RELN: variants seen among roughly 807,000 people sequenced by gnomAD.
RELN encodes reelin.
RELN carries 108 observed loss-of-function variants against 427.6 expected under a neutral mutation model. The observed-to-expected ratio is 0.25, with a 90% CI of 0.22 to 0.30. RELN has a LOEUF of 0.30. Among genes scored for constraint, RELN ranks in the 10% least tolerant of loss-of-function variants. The probability of loss-of-function intolerance (pLI) is 1.00; values close to 1 mark genes in which losing one functional copy is unlikely to be tolerated. For missense variants in RELN, 3,715 were observed against 4,302.8 expected (o/e 0.86, Z 3.82); for synonymous variants, 1,524 against 1,513.4 (o/e 1.01, Z -0.16).
At chr7:103,943,187 G>A (rs1006798378) in intron 1 of RELN, among the ~76,000 whole-genome samples, 3 of 152,122 alleles carry the variant, frequency 2.0e-5, no homozygotes, top group Non-Finnish European at 4.4e-5. Flanking sequence ...AAATAGAAAA[G>A]CTGCTCCCTT....
At chr7:103,796,479 A>T (rs796123323) in intron 3 of RELN, among the ~76,000 whole-genome samples, 1 of 152,170 alleles carries the variant, frequency 6.6e-6, no homozygotes, top group Non-Finnish European at 1.5e-5. Flanking sequence ...TTGTAGTGAG[A>T]AGAATAGAAA....
chr7:103,936,685 C>A (rs992793276), intron 1 of RELN, among the ~76,000 whole-genome samples: 2 of 151,578 alleles, frequency 1.3e-5, no homozygotes, highest in Non-Finnish European at 2.9e-5. Flanking sequence ...AAGAAATCTG[C>A]TGTTTCTTTT....
chr7:103,885,511 T>G (rs569164355), intron 2 of RELN, among the ~76,000 whole-genome samples: 5 of 152,152 alleles, frequency 3.3e-5, no homozygotes, highest in Non-Finnish European at 7.3e-5. Flanking sequence ...CACCACATGT[T>G]CTTACTCATA....
chr7:103,689,202 G>A lies in RELN; in HGVS notation c.1144-6941C>T, dbSNP rs1304932999. ...TCTTAAAACAAGTTGACATAAATGTGTAGAAAAGGTAATCTGGAATTCTTT... is the reference window on the plus strand; with the variant it reads ...TCTTAAAACAAGTTGACATAAATGTATAGAAAAGGTAATCTGGAATTCTTT... On this transcript the variant is annotated intron_variant, in intron 10 of 64. Coordinates refer to ENST00000428762, the MANE Select transcript of RELN (RefSeq NM_005045.4). 2.6e-5 allele frequency among the ~76,000 whole-genome samples: 4 copies of A among 152,032 alleles called. No homozygotes were observed. The East Asian group carries it at 7.7e-4, about 29-fold the overall frequency.
At chr7:103,911,195 G>A (rs1451121238) in intron 2 of RELN, among the ~76,000 whole-genome samples, 5,275 of 112,678 alleles carry the variant, frequency 0.047, 485 homozygotes, top group African/African-American at 0.093. Context: ...TGGGCGAAGA[G>A]CATGAACAGA....
At chr7:103,667,153 T>C (rs1166598752) in intron 11 of RELN, among the ~76,000 whole-genome samples, 1 of 152,208 alleles carries the variant, frequency 6.6e-6, no homozygotes, top group Non-Finnish European at 1.5e-5. Flanking sequence ...GGAAAAGGAA[T>C]TGCATGAGCT....
rs1829007180 is a variant in RELN at position 103,500,981 on chromosome 7, T to C, written c.8490-59A>G. 26 of 1,464,654 alleles carry C rather than the reference T, an allele frequency of 1.8e-5. No homozygotes were observed. In the East Asian group the frequency reaches 5.7e-4, roughly 32 times the overall value. The allele number at this position is 1,464,654 out of a possible 1,614,324, so 90.7% of individuals were successfully genotyped here. On this transcript the variant is annotated intron_variant, in intron 52 of 64. Coordinates refer to ENST00000428762, the MANE Select transcript of RELN (RefSeq NM_005045.4). The stretch of plus-strand genomic sequence containing the variant: ...CAAAAGTTAACTGTATTTAGGTCCA[T>C]TGTCCTGCATGTGTATTCAGTACTC...
At chr7:103,624,961 G>A (rs535232250) in intron 20 of RELN, among the ~76,000 whole-genome samples, 2 of 152,180 alleles carry the variant, frequency 1.3e-5, no homozygotes, top group East Asian at 1.9e-4. Flanking sequence ...GAGGCCCTTC[G>A]AACATTTCTA....
chr7:103,732,214 A>T (rs1043703385), intron 6 of RELN, among the ~76,000 whole-genome samples: 1 of 152,068 alleles, frequency 6.6e-6, no homozygotes, highest in African/African-American at 2.4e-5. Context: ...CCTCGGGATA[A>T]GGGAGGATAT....
In RELN at chr7:103,816,144, C is replaced by T. The variant is rs538655052; in HGVS notation, c.473+17393G>A. Among the ~76,000 whole-genome samples, 15 of 152,232 alleles carry T rather than the reference C, an allele frequency of 9.9e-5. No individual in the cohort carries two copies. In the South Asian group the frequency reaches 2.9e-3, roughly 29 times the overall value. On this transcript the variant is annotated intron_variant, in intron 3 of 64. Coordinates refer to ENST00000428762, the MANE Select transcript of RELN (RefSeq NM_005045.4). ...CTATAATCCCAGCACTTTGGGAGGC[C>T]GAGGTGGGTGGATCATTTGAGGTCA... is the stretch of plus-strand genomic sequence containing the variant.
chr7:103,930,203 C>T (rs1470017522), intron 1 of RELN, among the ~76,000 whole-genome samples: 2 of 152,146 alleles, frequency 1.3e-5, no homozygotes, highest in Non-Finnish European at 2.9e-5. Flanking sequence ...AGCTAGCAGA[C>T]GTCCACATTC....
intron 2 of RELN, among the ~76,000 whole-genome samples, chr7:103,880,769 T>G (rs1386240466): frequency 6.6e-6 from 1 of 152,176 alleles, no homozygotes; most frequent in African/African-American, 2.4e-5. Flanking sequence ...CACGGCTCAC[T>G]GCAGCCTCAA....
intron 3 of RELN, among the ~76,000 whole-genome samples, chr7:103,797,015 G>C (rs1792320868): frequency 6.6e-6 from 1 of 151,824 alleles, no homozygotes; most frequent in African/African-American, 2.4e-5. Context: ...TTATTCTTTA[G>C]AATATTAATT....
intron 2 of RELN, among the ~76,000 whole-genome samples, chr7:103,838,069 T>C (rs769513128): frequency 1.7e-4 from 25 of 150,430 alleles, no homozygotes; most frequent in East Asian, 3.9e-4. Flanking sequence ...ATTAGCTGGG[T>C]GTGGTGGTGG....
At chr7:103,895,301 A>T (rs1794935921) in intron 2 of RELN, among the ~76,000 whole-genome samples, 1 of 152,072 alleles carries the variant, frequency 6.6e-6, no homozygotes, top group Non-Finnish European at 1.5e-5. Context: ...TAACAGGAAA[A>T]AAAAAAGTGG....
intron 2 of RELN, among the ~76,000 whole-genome samples, chr7:103,838,209 A>AAG (rs1491138042): frequency 1.3e-3 from 3 of 2,400 alleles, no homozygotes; most frequent in African/African-American, 2.8e-3. Flanking sequence ...ACTTCGTCTC[A>AAG]AAAAAAAAAA....
intron 24 of RELN, among the ~76,000 whole-genome samples, chr7:103,599,405 C>T (rs1159246780): frequency 2.0e-5 from 3 of 152,046 alleles, no homozygotes; most frequent in African/African-American, 7.2e-5. Context: ...CTTGTCAAGC[C>T]CCATTTAGTC....
intron 1 of RELN, among the ~76,000 whole-genome samples, chr7:103,920,593 T>TTTTG (rs57282777): frequency 1.5e-5 from 2 of 129,420 alleles, no homozygotes; most frequent in African/African-American, 6.1e-5. Flanking sequence ...TTTTTTTTTT[T>TTTTG]GAGAGAGTCT....
At chr7:103,971,331 G>A (rs1796760623) in intron 1 of RELN, among the ~76,000 whole-genome samples, 1 of 151,936 alleles carries the variant, frequency 6.6e-6, no homozygotes, top group Admixed American at 6.6e-5. Context: ...CTGGGGGTTG[G>A]GGGGAATACC....
Sources: allele counts gnomAD v4.1 joint callset (sites outside exome capture counted in the v4.1 genomes callset), GRCh38; gene constraint gnomAD v4.1.1; transcripts MANE v1.5; gene names NCBI Gene and HGNC (gene_info 2026-07-23, HGNC 2026-07-21).